ADGRB3: variants seen among roughly 807,000 people sequenced by gnomAD.
ADGRB3 encodes the protein adhesion G protein-coupled receptor B3, also known as brain-specific angiogenesis inhibitor 3.
A neutral mutation model predicts 193.4 loss-of-function variants in ADGRB3; 37 were observed. That is an observed-to-expected ratio of 0.19 (90% CI 0.15 to 0.25). The LOEUF is 0.25. Among genes scored for constraint, ADGRB3 ranks in the 10% least tolerant of loss-of-function variants. ADGRB3 has a pLI of 1.00. For missense variants in ADGRB3, 1,637 were observed against 1,852.9 expected (o/e 0.88, Z 2.14); for synonymous variants, 690 against 644.2 (o/e 1.07, Z -1.08).
chr6:68,778,445 T>C (rs1331437225), intron 3 of ADGRB3, among the ~76,000 whole-genome samples: 3 of 152,250 alleles, frequency 2.0e-5, no homozygotes, highest in Middle Eastern at 3.4e-3. Context: ...AATTCCTCGC[T>C]ATGAAACACA....
intron 3 of ADGRB3, among the ~76,000 whole-genome samples, chr6:68,874,732 A>G (rs1237039799): frequency 2.4e-4 from 37 of 152,182 alleles, no homozygotes; most frequent in Non-Finnish European, 1.5e-5. Context: ...AGCCACTACT[A>G]ATTAATTTTA....
intron 3 of ADGRB3, among the ~76,000 whole-genome samples, chr6:68,774,180 T>G (rs1254957181): frequency 2.0e-5 from 3 of 152,046 alleles, no homozygotes; most frequent in Non-Finnish European, 4.4e-5. Context: ...AATTACCTTG[T>G]GTGAACTTAG....
chr6:68,688,729 G>A (rs574879500), intron 3 of ADGRB3, among the ~76,000 whole-genome samples: 1 of 152,232 alleles, frequency 6.6e-6, no homozygotes, highest in South Asian at 2.1e-4. Context: ...TCCTCTGCAA[G>A]GGAAAGGTCC....
At chr6:68,864,147 A>G (rs1436997338) in intron 3 of ADGRB3, among the ~76,000 whole-genome samples, 1 of 152,256 alleles carries the variant, frequency 6.6e-6, no homozygotes, top group Admixed American at 6.5e-5. Context: ...ATGCAGTCTT[A>G]TATGAATAAA....
intron 3 of ADGRB3, among the ~76,000 whole-genome samples, chr6:68,661,400 CATATATATGTGTGTGTATAT>C (rs1768636064): frequency 3.2e-5 from 1 of 30,976 alleles, no homozygotes; most frequent in African/African-American, 1.2e-4. Flanking sequence ...TGTGTGTATA[CATATATATGTGTGTGTATAT>C]ATATGTGTAT....
rs1208376787 is a variant in ADGRB3, at chr6:69,208,772, TCA to T, written c.2481-24517_2481-24516del. 1.3e-5 allele frequency among the ~76,000 whole-genome samples: 2 copies of T among 152,172 alleles called. 1 individual carries two copies. The highest frequency in any genetic ancestry group is 1.3e-4 in the Admixed American group (2 of 15,280). On this transcript the variant is annotated intron_variant, in intron 17 of 31. Coordinates refer to ENST00000370598, the MANE Select transcript of ADGRB3 (RefSeq NM_001704.3). Reference sequence around the variant, plus strand: ...TTCTTCATGTAACTTACTTGTGCCTTCAGGACCTGCTCAAGCCCAATCACATA... The same window carrying T: ...TTCTTCATGTAACTTACTTGTGCCTTGGACCTGCTCAAGCCCAATCACATA...
At chr6:69,185,283 A>C (rs1444844713) in intron 17 of ADGRB3, among the ~76,000 whole-genome samples, 1 of 152,160 alleles carries the variant, frequency 6.6e-6, no homozygotes, top group Non-Finnish European at 1.5e-5. Flanking sequence ...AGAAGAGTAC[A>C]GCATAAAAAC....
intron 3 of ADGRB3, among the ~76,000 whole-genome samples, chr6:68,823,656 G>A (rs546948405): frequency 6.6e-6 from 1 of 152,128 alleles, no homozygotes; most frequent in East Asian, 1.9e-4. Context: ...CAATCTTGAT[G>A]CAAAATGACT....
At chr6:68,893,364 A>G (rs1415146073) in intron 3 of ADGRB3, among the ~76,000 whole-genome samples, 3 of 152,020 alleles carry the variant, frequency 2.0e-5, no homozygotes, top group Non-Finnish European at 4.4e-5. Context: ...ATGGTGCAAT[A>G]TTTTTAGGTT....
At chr6:69,199,301 A>G (rs1034937951) in intron 17 of ADGRB3, among the ~76,000 whole-genome samples, 9 of 152,290 alleles carry the variant, frequency 5.9e-5, no homozygotes, top group Middle Eastern at 3.4e-3. Context: ...GAGGTTAACC[A>G]TGCAGACTCT....
chr6:69,312,402 A>C (rs1191850557), intron 20 of ADGRB3, among the ~76,000 whole-genome samples: 1 of 151,766 alleles, frequency 6.6e-6, no homozygotes, highest in Admixed American at 6.6e-5. Flanking sequence ...GAGGTTGGAT[A>C]GCTCAGAGAT....
rs565574193 is a variant in ADGRB3 at position 68,996,392 on chromosome 6, A to G, written c.1929+2430A>G. The stretch of plus-strand genomic sequence containing the variant: ...ATATACTGTGGTACTATAATTTATC[A>G]TAGAACAGCTCTGATTATGTCACTG... On this transcript the variant is annotated intron_variant, in intron 11 of 31. Transcript: ENST00000370598. Among the ~76,000 whole-genome samples the G allele has an allele frequency of 2.6e-5, 4 of 152,274 alleles. No homozygotes were observed. The South Asian group carries it at 6.2e-4, about 24-fold the overall frequency.
intron 14 of ADGRB3, 32 bp downstream of exon 14, chr6:69,048,366 A>G: frequency 6.3e-7 from 1 of 1,593,140 alleles, no homozygotes; most frequent in Non-Finnish European, 8.6e-7. Context: ...AGCTTGAACA[A>G]GACATTTTTG....
At chr6:68,716,514 AT>A (rs758207785) in intron 3 of ADGRB3, among the ~76,000 whole-genome samples, 1,770 of 141,656 alleles carry the variant, frequency 0.012, 20 homozygotes, top group African/African-American at 0.024. Flanking sequence ...ATCACAGCTC[AT>A]TTTTTTTTTT....
chr6:69,100,375 GT>G (rs1172068354), intron 17 of ADGRB3, among the ~76,000 whole-genome samples: 1 of 152,014 alleles, frequency 6.6e-6, no homozygotes, highest in East Asian at 1.9e-4. Flanking sequence ...AAAAACATAT[GT>G]TCCAATCCAT....
At chr6:69,048,058 G>T (rs1209655825) in intron 13 of ADGRB3, 127 bp from the exon 14 acceptor site, 5 of 1,002,788 alleles carry the variant, frequency 5.0e-6, no homozygotes, top group Non-Finnish European at 7.3e-6. Flanking sequence ...TTATTTTGTT[G>T]CTCTGATAAA....
At chr6:69,383,827 C>T (rs974616676) in intron 31 of ADGRB3, among the ~76,000 whole-genome samples, 5 of 152,034 alleles carry the variant, frequency 3.3e-5, no homozygotes, top group African/African-American at 1.2e-4. Context: ...CTGACACCAG[C>T]TCTTCTCCTT....
intron 17 of ADGRB3, among the ~76,000 whole-genome samples, chr6:69,204,568 A>T (rs559306795): frequency 6.6e-6 from 1 of 152,092 alleles, no homozygotes; most frequent in Non-Finnish European, 1.5e-5. Flanking sequence ...CACTACTGGT[A>T]TGTTTAGTTT....
At chr6:68,669,040 G>A (rs1490817336) in intron 3 of ADGRB3, among the ~76,000 whole-genome samples, 1 of 151,878 alleles carries the variant, frequency 6.6e-6, no homozygotes, top group African/African-American at 2.4e-5. Flanking sequence ...GAAAATATTT[G>A]TGAATGTATG....
Sources: gnomAD v4.1 joint callset for allele counts (sites outside exome capture counted in the v4.1 genomes callset) on GRCh38, gnomAD v4.1.1 for gene constraint, MANE v1.5 for transcripts, NCBI Gene and HGNC (gene_info 2026-07-23, HGNC 2026-07-21) for gene names.